SPTBN1: variants seen among roughly 807,000 people sequenced by gnomAD.
The protein encoded by SPTBN1 is spectrin beta chain, non-erythrocytic 1.
In SPTBN1, 32 loss-of-function variants were observed where a neutral mutation model predicts 266.4. The ratio of observed to expected loss-of-function variants is 0.12; its 90% CI spans 0.09 to 0.16. The LOEUF (loss-of-function observed/expected upper bound fraction) is 0.16, where lower values mean the gene tolerates loss of function less well. Ranked by LOEUF, SPTBN1 falls within the 10% of genes least tolerant of loss-of-function variation. SPTBN1 has a pLI of 1.00. For synonymous variants in SPTBN1, 1,336 were observed against 1,162.2 expected (o/e 1.15, Z -3.04); for missense variants, 2,296 against 3,067.1 (o/e 0.75, Z 5.94).
At chr2:54,499,870 A>G (rs1264163722) in intron 1 of SPTBN1, among the ~76,000 whole-genome samples, 2 of 152,250 alleles carry the variant, frequency 1.3e-5, no homozygotes, top group African/African-American at 4.8e-5. Flanking sequence ...AGTTTTGGCT[A>G]ACTTTTCCAG....
At chr2:54,476,509 A>G (rs969274469) in intron 1 of SPTBN1, among the ~76,000 whole-genome samples, 1 of 152,200 alleles carries the variant, frequency 6.6e-6, no homozygotes, top group East Asian at 1.9e-4. Context: ...AACATGTACT[A>G]GGCCTCTTTA....
chr2:54,530,752 T>C (rs1042887811), intron 2 of SPTBN1, among the ~76,000 whole-genome samples: 2 of 152,212 alleles, frequency 1.3e-5, no homozygotes, highest in Admixed American at 6.5e-5. Context: ...ATAAGAAATA[T>C]ATTTGGTCTT....
At chr2:54,512,186 GT>G (rs1252250977) in intron 1 of SPTBN1, among the ~76,000 whole-genome samples, 1 of 152,250 alleles carries the variant, frequency 6.6e-6, no homozygotes, top group Non-Finnish European at 1.5e-5. Context: ...ACCTTCTGCT[GT>G]GTGGCCTCGG....
chr2:54,518,640 AT>A (rs1343311857), intron 1 of SPTBN1, among the ~76,000 whole-genome samples: 1 of 152,164 alleles, frequency 6.6e-6, no homozygotes, highest in Non-Finnish European at 1.5e-5. Flanking sequence ...TCTTTTATGA[AT>A]AAAGTGGGAG....
intron 1 of SPTBN1, among the ~76,000 whole-genome samples, chr2:54,493,599 G>C (rs1188202483): frequency 6.6e-6 from 1 of 151,964 alleles, no homozygotes. Context: ...ACAAGGTTTT[G>C]ACATGTTGGC....
intron 3 of SPTBN1, among the ~76,000 whole-genome samples, chr2:54,600,332 G>A (rs935294233): frequency 6.6e-6 from 1 of 152,156 alleles, no homozygotes; most frequent in Non-Finnish European, 1.5e-5. Flanking sequence ...AGATAGTGAA[G>A]CCCTGTCTTC....
At chr2:54,642,772 T>C (rs1679662525) in intron 18 of SPTBN1, among the ~76,000 whole-genome samples, 1 of 152,210 alleles carries the variant, frequency 6.6e-6, no homozygotes, top group African/African-American at 2.4e-5. Flanking sequence ...GAATGAATGT[T>C]AGATATAGTT....
At chr2:54,530,361 T>G (rs1671150605) in intron 2 of SPTBN1, among the ~76,000 whole-genome samples, 1 of 114,288 alleles carries the variant, frequency 8.7e-6, no homozygotes, top group African/African-American at 3.7e-5. Context: ...AACTTTTTTT[T>G]TTTTTTTTTT....
chr2:54,653,396 T>A lies in SPTBN1; in HGVS notation c.5578-213T>A, dbSNP rs1447909693. ...AGCATTTCATTTGTTTTATCATTCA[T>A]AAAGAACTTAATAATGTAGTTGAAC... is the stretch of plus-strand genomic sequence containing the variant. On this transcript the variant is annotated intron_variant, in intron 26 of 35. Coordinates refer to ENST00000356805, the MANE Select transcript of SPTBN1 (RefSeq NM_003128.3). The surrounding 1 kb of genome is among the most constrained non-coding windows in gnomAD (Gnocchi z 5.1). The A allele has an allele frequency of 1.6e-6, 1 of 644,246 alleles. No individual in the cohort carries two copies. Among genetic ancestry groups the A allele is most frequent in the African/African-American group, 1.9e-5 (1 of 53,390 alleles). 39.9% of individuals were successfully genotyped at this position (644,246 alleles called of 1,614,324 possible).
In SPTBN1 at chr2:54,635,193, C is replaced by T. The variant is rs114733652; in HGVS notation, c.3767+2425C>T. The stretch of plus-strand genomic sequence containing the variant: ...CTCTTTAAGACTGTGGAAACTACTC[C>T]CTAGTTTTAAAAGGTCCTTCTCAGG... On this transcript the variant is annotated intron_variant, in intron 17 of 35. Coordinates refer to ENST00000356805, the MANE Select transcript of SPTBN1 (RefSeq NM_003128.3). 2.0e-3 allele frequency among the ~76,000 whole-genome samples: 310 copies of T among 152,262 alleles called. 2 individuals are homozygous for T. Among genetic ancestry groups the T allele is most frequent in the African/African-American group, 7.0e-3 (291 of 41,538 alleles).
At chr2:54,466,321 C>G (rs1693626774) in intron 1 of SPTBN1, among the ~76,000 whole-genome samples, 1 of 152,020 alleles carries the variant, frequency 6.6e-6, no homozygotes, top group South Asian at 2.1e-4. Context: ...TATGTATTTT[C>G]AAAGTGTAAT....
rs1390216769 is a variant in SPTBN1 at position 54,456,392 on chromosome 2, G to A, written c.-174G>A. On this transcript the variant is annotated 5_prime_UTR_variant, in exon 1 of 36. Transcript: ENST00000356805. ...CAGCCCTGCGCAGCAGCGCCCACTG[G>A]TCCCGTCCTGTGAGCCCCGGCCCCA... 6.6e-6 allele frequency: 1 copy of A among 152,332 alleles called. No individual in the cohort carries two copies. The highest frequency in any genetic ancestry group is 1.5e-5 in the Non-Finnish European group (1 of 68,206). The allele number at this position is 152,332 out of a possible 1,614,324, so 9.4% of individuals were successfully genotyped here.
At chr2:54,561,323 A>G (rs1673283827) in intron 2 of SPTBN1, among the ~76,000 whole-genome samples, 1 of 152,214 alleles carries the variant, frequency 6.6e-6, no homozygotes, top group South Asian at 2.1e-4. Context: ...TTGTAGAGAC[A>G]GAGTCTCACC....
chr2:54,485,789 C>T (rs1668338454), intron 1 of SPTBN1, among the ~76,000 whole-genome samples: 1 of 151,140 alleles, frequency 6.6e-6, no homozygotes, highest in African/African-American at 2.4e-5. Flanking sequence ...AAGTGAGGAG[C>T]GTCTCTGCCC....
At chr2:54,456,919 A>G (rs1402922547) in intron 1 of SPTBN1, among the ~76,000 whole-genome samples, 1 of 145,952 alleles carries the variant, frequency 6.9e-6, no homozygotes. Flanking sequence ...CCTGGCGCGG[A>G]GGTGGGTGCG....
intron 3 of SPTBN1, among the ~76,000 whole-genome samples, chr2:54,608,785 C>A (rs564723314): frequency 3.7e-4 from 56 of 152,114 alleles, no homozygotes; most frequent in African/African-American, 1.3e-3. Flanking sequence ...TGAAAATCTT[C>A]CTATGCATTT....
intron 1 of SPTBN1, among the ~76,000 whole-genome samples, chr2:54,482,989 G>A (rs890683195): frequency 1.3e-5 from 2 of 152,232 alleles, no homozygotes; most frequent in Non-Finnish European, 2.9e-5. Flanking sequence ...AAGCAGGCTG[G>A]CCCGAAGGGG....
At chr2:54,581,577 C>CTTTTTTTTTTTTTTTTT (rs70944181) in intron 2 of SPTBN1, among the ~76,000 whole-genome samples, 122 of 102,606 alleles carry the variant, frequency 1.2e-3, no homozygotes, top group South Asian at 4.4e-3. Context: ...TTTCTTTGCC[C>CTTTTTTTTTTTTTTTTT]TTTTTTTTTT....
chr2:54,486,100 G>T (rs1198048728), intron 1 of SPTBN1, among the ~76,000 whole-genome samples: 1 of 147,898 alleles, frequency 6.8e-6, no homozygotes, highest in Non-Finnish European at 1.5e-5. Flanking sequence ...GGGAGGTGGG[G>T]GGGTCAGCCC....
Sources: allele counts gnomAD v4.1 joint callset (sites outside exome capture counted in the v4.1 genomes callset), GRCh38; gene constraint gnomAD v4.1.1; non-coding constraint Gnocchi (gnomAD v3.1); transcripts MANE v1.5; gene names NCBI Gene and HGNC (gene_info 2026-07-23, HGNC 2026-07-21).